The following TBXAS1 variants were observed in gnomAD, a reference collection of about 807,000 sequenced individuals.
TBXAS1 encodes the protein thromboxane-A synthase.
A neutral mutation model predicts 60.7 loss-of-function variants in TBXAS1; 48 were observed. The ratio of observed to expected loss-of-function variants is 0.79; its 90% CI spans 0.63 to 1.01. The LOEUF is 1.01. TBXAS1 is among the 50% of genes least tolerant of loss of function. The pLI is 0.00. For missense variants in TBXAS1, 685 were observed against 686.3 expected (o/e 1.00, Z 0.02); for synonymous variants, 287 against 269.7 (o/e 1.06, Z -0.63).
intron 1 of TBXAS1, among the ~76,000 whole-genome samples, chr7:139,861,948 G>A (rs1800999952): frequency 6.6e-6 from 1 of 152,174 alleles, no homozygotes. Context: ...AGGTGGGGAT[G>A]TATAATCCTC....
chr7:139,892,976 G>A (rs2116941402), intron 3 of TBXAS1, among the ~76,000 whole-genome samples: 1 of 152,134 alleles, frequency 6.6e-6, no homozygotes, highest in South Asian at 2.1e-4. Context: ...GAGGGGGTTG[G>A]GCTAGAATGA....
chr7:139,809,353 TAGATAGATAGATAGACAGAC>T (rs1359854208), intron 4 of TBXAS1, among the ~76,000 whole-genome samples: 6 of 151,572 alleles, frequency 4.0e-5, no homozygotes, highest in African/African-American at 1.5e-4. Context: ...GATAGATAGA[TAGATAGATAGATAGACAGAC>T]AGAACCAACA....
At chr7:139,967,472 G>A (rs111685712) in intron 9 of TBXAS1, among the ~76,000 whole-genome samples, 11,061 of 152,270 alleles carry the variant, frequency 0.073, 560 homozygotes, top group Middle Eastern at 0.12. Flanking sequence ...GGCTGAGGAT[G>A]GGGGTAGGAG....
At chr7:139,946,100 A>T (rs955829290) in intron 5 of TBXAS1, among the ~76,000 whole-genome samples, 5 of 152,222 alleles carry the variant, frequency 3.3e-5, no homozygotes, top group Admixed American at 6.5e-5. Context: ...CAAGAGGCCA[A>T]GGTGGGAGGA....
At chr7:139,960,832 G>A (rs567689967) in intron 8 of TBXAS1, among the ~76,000 whole-genome samples, 1 of 152,242 alleles carries the variant, frequency 6.6e-6, no homozygotes, top group South Asian at 2.1e-4. Flanking sequence ...AAATGCTGCA[G>A]CTAGCAGAGT....
chr7:139,886,087 A>C (rs73480038), intron 3 of TBXAS1, among the ~76,000 whole-genome samples: 1,888 of 152,334 alleles, frequency 0.012, 46 homozygotes, highest in African/African-American at 0.042. Context: ...TATGCACACA[A>C]AGTAATTCCT....
At chr7:139,972,731 C>T (rs1811296231) in intron 9 of TBXAS1, among the ~76,000 whole-genome samples, 1 of 151,994 alleles carries the variant, frequency 6.6e-6, no homozygotes, top group South Asian at 2.1e-4. Flanking sequence ...GACACATGAT[C>T]CGTTATTAAC....
rs146260544 is a variant in TBXAS1, at chr7:139,847,162, G to A, written c.89+17683G>A. Among the ~76,000 whole-genome samples the A allele has an allele frequency of 5.3e-5, 8 of 152,138 alleles. No homozygotes were observed. In the East Asian group the frequency reaches 1.5e-3, roughly 29 times the overall value. On this transcript the variant is annotated intron_variant, in intron 1 of 12. Coordinates refer to ENST00000448866, the MANE Select transcript of TBXAS1 (RefSeq NM_001061.7). ...TCTTGAAAAGTGCACAATAAATCAA[G>A]CTTTAAACTCAATTTGTTTTCCAGA...
intron 5 of TBXAS1, among the ~76,000 whole-genome samples, chr7:139,936,944 C>T (rs184115001): frequency 7.2e-4 from 109 of 152,280 alleles, no homozygotes; most frequent in Non-Finnish European, 1.4e-3. Context: ...CAGGATGCTA[C>T]CAGCTCTCTA....
chr7:140,003,489 G>A (rs1406309970), intron 9 of TBXAS1, among the ~76,000 whole-genome samples: 1 of 152,222 alleles, frequency 6.6e-6, no homozygotes, highest in Non-Finnish European at 1.5e-5. Flanking sequence ...ACAGGCGTGA[G>A]CCACCGCACC....
intron 1 of TBXAS1, among the ~76,000 whole-genome samples, chr7:139,868,806 C>T (rs955720688): frequency 1.3e-5 from 2 of 151,514 alleles, no homozygotes; most frequent in Admixed American, 6.6e-5. Context: ...ACAAGCCTGC[C>T]TGGTTACCTT....
At chr7:139,817,110 C>T (rs936530372) in intron 4 of TBXAS1, among the ~76,000 whole-genome samples, 1 of 152,142 alleles carries the variant, frequency 6.6e-6, no homozygotes, top group Non-Finnish European at 1.5e-5. Flanking sequence ...CCTCCTCCAC[C>T]GATCACTGTC....
intron 5 of TBXAS1, among the ~76,000 whole-genome samples, chr7:139,942,378 G>C (rs932016097): frequency 6.6e-6 from 1 of 152,170 alleles, no homozygotes; most frequent in African/African-American, 2.4e-5. Flanking sequence ...AGAGAACGTG[G>C]GTTGTTAACT....
chr7:139,787,752 AT>A (rs1180737611), intron 4 of TBXAS1, among the ~76,000 whole-genome samples: 3 of 151,918 alleles, frequency 2.0e-5, no homozygotes, highest in African/African-American at 7.3e-5. Context: ...ACTGCACCCC[AT>A]TTTCCCTTAC....
intron 4 of TBXAS1, among the ~76,000 whole-genome samples, chr7:139,803,971 C>G (rs116739991): frequency 2.6e-5 from 4 of 152,200 alleles, no homozygotes; most frequent in African/African-American, 9.7e-5. Context: ...GGGTTTGGAA[C>G]CCCCACATGG....
intron 2 of TBXAS1, among the ~76,000 whole-genome samples, chr7:139,873,389 T>C (rs1480042811): frequency 6.6e-6 from 1 of 152,128 alleles, no homozygotes; most frequent in Non-Finnish European, 1.5e-5. Context: ...GAGAAGAACA[T>C]AGGTTAGAGC....
In TBXAS1 at chr7:139,951,923, A is replaced by G. The variant is rs562551137; in HGVS notation, c.451-1445A>G. On this transcript the variant is annotated intron_variant, in intron 5 of 12. Coordinates refer to ENST00000448866, the MANE Select transcript of TBXAS1 (RefSeq NM_001061.7). ...GGAAAGAAAGAGAAAGAAAGAGAGA[A>G]AGAAAGAGAGAAAGAAGGAAAGAAA... Among the ~76,000 whole-genome samples, 24 of 98,412 alleles carry G rather than the reference A, an allele frequency of 2.4e-4. 4 individuals carry two copies. Among genetic ancestry groups the G allele is most frequent in the African/African-American group, 8.6e-4 (22 of 25,438 alleles). 64.6% of individuals were successfully genotyped at this position (98,412 alleles called of 152,430 possible).
intron 1 of TBXAS1, among the ~76,000 whole-genome samples, chr7:139,849,000 T>C (rs1360513365): frequency 6.6e-6 from 1 of 151,634 alleles, no homozygotes; most frequent in Admixed American, 6.6e-5. Flanking sequence ...AAAAAATAAA[T>C]AAATGAACAA....
chr7:139,843,824 G>A (rs772479756), intron 1 of TBXAS1, among the ~76,000 whole-genome samples: 2 of 152,172 alleles, frequency 1.3e-5, no homozygotes, highest in African/African-American at 2.4e-5. Flanking sequence ...AATGATTACT[G>A]TGACAATGTG....
Sources: allele counts gnomAD v4.1 joint callset (sites outside exome capture counted in the v4.1 genomes callset), GRCh38; gene constraint gnomAD v4.1.1; transcripts MANE v1.5; gene names NCBI Gene and HGNC (gene_info 2026-07-23, HGNC 2026-07-21).